TKT: variants seen among roughly 807,000 people sequenced by gnomAD.
TKT encodes transketolase.
In TKT, 47 loss-of-function variants were observed where a neutral mutation model predicts 63.9. The ratio of observed to expected loss-of-function variants is 0.74; its 90% CI spans 0.58 to 0.94. The LOEUF is 0.94. TKT is among the 40% of genes least tolerant of loss of function. The probability of loss-of-function intolerance (pLI) is 0.00; values close to 1 mark genes in which losing one functional copy is unlikely to be tolerated. For missense variants in TKT, 721 were observed against 846.2 expected, an observed-to-expected ratio of 0.85 and a Z score of 1.84; for synonymous variants, 338 against 334.1, an observed-to-expected ratio of 1.01 and a Z score of -0.13.
intron 1 of TKT, among the ~76,000 whole-genome samples, chr3:53,252,001 G>A (rs1335307545): frequency 1.3e-5 from 2 of 152,218 alleles, no homozygotes; most frequent in African/African-American, 2.4e-5. Context: ...TTAGCCGGGC[G>A]TGGTGGTGCA....
chr3:53,234,864 G>A (rs1425007041), intron 5 of TKT, 119 bp downstream of exon 5: 2 of 1,013,944 alleles, frequency 2.0e-6, no homozygotes, highest in African/African-American at 1.6e-5. Flanking sequence ...CTAAAGAAAG[G>A]GACCTTTAGA....
chr3:53,229,847 T>G (rs1213264799), intron 8 of TKT, among the ~76,000 whole-genome samples: 1 of 152,120 alleles, frequency 6.6e-6, no homozygotes, highest in Non-Finnish European at 1.5e-5. Flanking sequence ...TTGGAAGAAC[T>G]CTGGAGATCT....
In TKT at chr3:53,240,354, A is replaced by G. The variant is rs369411849; in HGVS notation, c.340-6T>C. 7.8e-5 allele frequency: 125 copies of G among 1,610,242 alleles called. No homozygotes were observed. In the African/African-American group the frequency reaches 1.4e-3, roughly 18 times the overall value. On this transcript the variant is annotated splice_polypyrimidine_tract_variant and splice_region_variant and intron_variant, in intron 3 of 13. Coordinates refer to ENST00000462138, the MANE Select transcript of TKT (RefSeq NM_001064.4). ...ACGTCGGTGAAAGCTTGTTTCTGTCATAACAGAAGGCCACCGTTAATCTGA... is the reference window on the plus strand; with the variant it reads ...ACGTCGGTGAAAGCTTGTTTCTGTCGTAACAGAAGGCCACCGTTAATCTGA...
At chr3:53,242,078 C>G in intron 2 of TKT, 47 bp downstream of exon 2, 1 of 1,570,770 alleles carries the variant, frequency 6.4e-7, no homozygotes, top group Non-Finnish European at 8.8e-7. Context: ...CCGTGTGACC[C>G]TAGTCCCAGG....
At chr3:53,232,429 C>T (rs541409789) in intron 6 of TKT, 16 of 398,774 alleles carry the variant, frequency 4.0e-5, no homozygotes, top group African/African-American at 3.3e-4. Flanking sequence ...TGAGAGCAGG[C>T]AGGTGGGCAG....
At chr3:53,252,393 G>A (rs9826552) in intron 1 of TKT, among the ~76,000 whole-genome samples, 32,481 of 151,970 alleles carry the variant, frequency 0.21, 3,654 homozygotes, top group Middle Eastern at 0.28. Context: ...CATACTCTTG[G>A]CTCACAACTT....
chr3:53,255,148 C>T (rs1705930022), intron 1 of TKT, among the ~76,000 whole-genome samples: 1 of 152,248 alleles, frequency 6.6e-6, no homozygotes, highest in African/African-American at 2.4e-5. Flanking sequence ...TCCCCTCTTC[C>T]CCCAATCAGC....
In TKT at chr3:53,247,633, CAAAAAA is replaced by C. The variant is rs3075723; in HGVS notation, c.108-5397_108-5392del. 1.2e-4 allele frequency among the ~76,000 whole-genome samples: 8 copies of C among 66,972 alleles called. No individual in the cohort carries two copies. The South Asian group carries it at 3.1e-3, about 26-fold the overall frequency. The allele number at this position is 66,972 out of a possible 152,430, so 43.9% of individuals were successfully genotyped here. A position where few individuals can be genotyped will look rare whatever the true frequency, so the allele number is the denominator to read the frequency against. The stretch of plus-strand genomic sequence containing the variant: ...CCAGCCTAGGCAACAGACTCCACCT[CAAAAAA>C]AAAAAAAAAAAAAAAAAATACTCAG... On this transcript the variant is annotated intron_variant, in intron 1 of 13. Coordinates refer to ENST00000462138, the MANE Select transcript of TKT (RefSeq NM_001064.4).
chr3:53,247,969 C>T (rs941713116), intron 1 of TKT, among the ~76,000 whole-genome samples: 1 of 152,144 alleles, frequency 6.6e-6, no homozygotes, highest in Non-Finnish European at 1.5e-5. Context: ...ACTGTTGTAT[C>T]CACAGGCTTG....
At chr3:53,226,704 C>T (rs924602249) in intron 13 of TKT, 52 bp downstream of exon 13, 21 of 1,612,528 alleles carry the variant, frequency 1.3e-5, no homozygotes, top group East Asian at 6.7e-5. Flanking sequence ...GTCCAACGCT[C>T]GGCTCTCTGG....
intron 4 of TKT, 154 bp from the exon 5 acceptor site, chr3:53,235,328 G>T: frequency 1.6e-6 from 1 of 640,724 alleles, no homozygotes. Flanking sequence ...GGGCAACAGT[G>T]TCACCAGGTT....
At chr3:53,248,083 G>T (rs1705593410) in intron 1 of TKT, among the ~76,000 whole-genome samples, 1 of 152,148 alleles carries the variant, frequency 6.6e-6, no homozygotes, top group Non-Finnish European at 1.5e-5. Context: ...CTATAAAACG[G>T]AGGTAAAAGA....
intron 1 of TKT, among the ~76,000 whole-genome samples, chr3:53,249,915 G>A (rs995719273): frequency 1.3e-4 from 20 of 152,286 alleles, no homozygotes; most frequent in Non-Finnish European, 2.9e-5. Context: ...GGAACTAGGC[G>A]ACAGTGACAA....
At chr3:53,228,603 G>C in intron 10 of TKT, 1 of 536,668 alleles carries the variant, frequency 1.9e-6, no homozygotes. Flanking sequence ...ACTGGCTGCA[G>C]GTGGGCTACT....
At chr3:53,235,963 G>A (rs1553678514) in intron 4 of TKT, among the ~76,000 whole-genome samples, 1 of 33,260 alleles carries the variant, frequency 3.0e-5, no homozygotes, top group East Asian at 1.9e-3. Flanking sequence ...GTGAGGGGAT[G>A]GGGGTAGCAG....
rs1553677058 is a variant in TKT, at chr3:53,231,497, C to T, written c.802G>A (p.Glu268Lys). The change falls in exon 7 of 14, where the codon GAG (glutamate) becomes AAG (lysine). Residue 268 changes from glutamate (E) to lysine (K), a missense_variant. Glu to Lys is a moderately conservative substitution (Grantham distance 56, BLOSUM62 1). Coordinates refer to ENST00000462138, the MANE Select transcript of TKT (RefSeq NM_001064.4). Reference sequence around the variant, plus strand: ...CTGTAGATCTCCTGGATGATCTGCTCAGCCATGTTTTTGGGGAGGGGCTTC... The same window carrying T: ...CTGTAGATCTCCTGGATGATCTGCTTAGCCATGTTTTTGGGGAGGGGCTTC... ...HGKPLPKNMA[E>K]QIIQEIYSQI... The T allele has an allele frequency of 1.2e-6, 2 of 1,614,126 alleles. No individual in the cohort carries two copies. Among genetic ancestry groups the T allele is most frequent in the Non-Finnish European group, 1.7e-6 (2 of 1,180,006 alleles).
chr3:53,250,129 G>C (rs1386823988), intron 1 of TKT, among the ~76,000 whole-genome samples: 2 of 152,200 alleles, frequency 1.3e-5, no homozygotes, highest in East Asian at 3.8e-4. Flanking sequence ...CCACCCCAGG[G>C]TGGCCAGTGT....
In TKT at chr3:53,255,998, C is replaced by G; in HGVS notation, c.-56G>C. The G allele has an allele frequency of 1.6e-6, 2 of 1,280,408 alleles. No homozygotes were observed. The highest frequency in any genetic ancestry group is 2.1e-6 in the Non-Finnish European group (2 of 965,230). 79.3% of individuals were successfully genotyped at this position (1,280,408 alleles called of 1,614,324 possible). Reference sequence around the variant, plus strand: ...CGGACACACAGAGATAGCGGCTGCTCCCGCGGCGACAGGCGGCTGCCGAGG... The same window carrying G: ...CGGACACACAGAGATAGCGGCTGCTGCCGCGGCGACAGGCGGCTGCCGAGG... On this transcript the variant is annotated 5_prime_UTR_variant, in exon 1 of 14. Transcript: ENST00000462138.
At chr3:53,253,377 G>C (rs1031479730) in intron 1 of TKT, among the ~76,000 whole-genome samples, 10 of 152,048 alleles carry the variant, frequency 6.6e-5, no homozygotes, top group Non-Finnish European at 1.2e-4. Flanking sequence ...GCATGTTCAA[G>C]GCTCACTACA....
Sources: gnomAD v4.1 joint callset for allele counts (sites outside exome capture counted in the v4.1 genomes callset) on GRCh38, gnomAD v4.1.1 for gene constraint, MANE v1.5 for transcripts, NCBI Gene and HGNC (gene_info 2026-07-23, HGNC 2026-07-21) for gene names.